The following CDH18 variants were observed in gnomAD, a reference collection of about 807,000 sequenced individuals.
CDH18 encodes cadherin 18, also known as cadherin-18.
In CDH18, 31 loss-of-function variants were observed where a neutral mutation model predicts 67.9. The observed-to-expected ratio is 0.46, with a 90% CI of 0.34 to 0.62. CDH18 has a LOEUF of 0.62. Ranked by LOEUF, CDH18 falls within the 20% of genes least tolerant of loss-of-function variation. CDH18 has a pLI of 0.01. For synonymous variants in CDH18, 362 were observed against 347.2 expected, an observed-to-expected ratio of 1.04 and a Z score of -0.48; for missense variants, 890 against 975.5, an observed-to-expected ratio of 0.91 and a Z score of 1.17.
chr5:20,554,146 T>G (rs1468352181), intron 1 of CDH18, among the ~76,000 whole-genome samples: 2 of 152,182 alleles, frequency 1.3e-5, no homozygotes, highest in African/African-American at 4.8e-5. Context: ...GTGCTAGATA[T>G]CTAGTCAGTA....
intron 1 of CDH18, among the ~76,000 whole-genome samples, chr5:20,264,533 C>T (rs1744889570): frequency 6.6e-6 from 1 of 151,798 alleles, no homozygotes; most frequent in Non-Finnish European, 1.5e-5. Context: ...TTCTGAAGCA[C>T]CATTTTAATC....
intron 5 of CDH18, among the ~76,000 whole-genome samples, chr5:19,638,791 G>A (rs1180334500): frequency 6.6e-6 from 1 of 151,828 alleles, no homozygotes; most frequent in Non-Finnish European, 1.5e-5. Context: ...AGGATAAGGA[G>A]TTCCATTTTG....
At chr5:19,800,936 C>T (rs1777395495) in intron 3 of CDH18, among the ~76,000 whole-genome samples, 1 of 151,904 alleles carries the variant, frequency 6.6e-6, no homozygotes, top group Admixed American at 6.6e-5. Context: ...CTGGGCAACA[C>T]GGTGAAGCCC....
intron 8 of CDH18, among the ~76,000 whole-genome samples, chr5:19,548,988 G>A (rs1383294889): frequency 6.6e-6 from 1 of 152,084 alleles, no homozygotes; most frequent in Non-Finnish European, 1.5e-5. Context: ...GCCCTCAGGT[G>A]ATCCGCCTGC....
At chr5:20,421,536 A>G (rs1214819319) in intron 1 of CDH18, among the ~76,000 whole-genome samples, 1 of 150,958 alleles carries the variant, frequency 6.6e-6, no homozygotes, top group Non-Finnish European at 1.5e-5. Context: ...ATTCCTAGAT[A>G]TAAGATAAAG....
chr5:19,651,468 T>C (rs1159621155), intron 5 of CDH18, among the ~76,000 whole-genome samples: 1 of 152,074 alleles, frequency 6.6e-6, no homozygotes, highest in East Asian at 1.9e-4. Flanking sequence ...CAATAACTGG[T>C]TAGAGGTCAG....
chr5:19,937,975 A>G (rs1794452647), intron 2 of CDH18, among the ~76,000 whole-genome samples: 1 of 147,940 alleles, frequency 6.8e-6, no homozygotes, highest in Admixed American at 6.8e-5. Flanking sequence ...ATATATATAT[A>G]GTGTATATAA....
At chr5:20,327,117 T>C (rs1738672593) in intron 1 of CDH18, among the ~76,000 whole-genome samples, 1 of 152,196 alleles carries the variant, frequency 6.6e-6, no homozygotes, top group Non-Finnish European at 1.5e-5. Flanking sequence ...AACTTATATT[T>C]TTGGTAAAGA....
intron 2 of CDH18, among the ~76,000 whole-genome samples, chr5:20,007,498 G>A (rs1736999987): frequency 6.6e-6 from 1 of 152,062 alleles, no homozygotes; most frequent in Non-Finnish European, 1.5e-5. Flanking sequence ...ACAGTTAAAT[G>A]TCCATGAAAT....
intron 1 of CDH18, among the ~76,000 whole-genome samples, chr5:20,349,005 A>G (rs1740936679): frequency 6.6e-6 from 1 of 152,178 alleles, no homozygotes; most frequent in Non-Finnish European, 1.5e-5. Context: ...TGCATTGGAA[A>G]TGTGTATTTA....
At position 19,584,000 on chromosome 5, in the gene CDH18, T is replaced by C. The variant is rs923254878; in HGVS notation, c.999+7057A>G. ...ATTTGCTGAAAATCAGAAGGCCAAA[T>C]AGAATCAGAAACCTAAAGAAAACAT... On this transcript the variant is annotated intron_variant, in intron 7 of 12. Coordinates refer to ENST00000382275, the MANE Select transcript of CDH18 (RefSeq NM_004934.5). Among the ~76,000 whole-genome samples the C allele has an allele frequency of 5.3e-5, 8 of 152,136 alleles. No individual in the cohort carries two copies. The East Asian group carries it at 5.8e-4, about 11-fold the overall frequency.
At chr5:19,624,509 G>GATATGTAT (rs1349337846) in intron 5 of CDH18, among the ~76,000 whole-genome samples, 7 of 152,252 alleles carry the variant, frequency 4.6e-5, no homozygotes, top group African/African-American at 1.4e-4. Flanking sequence ...AGATTTCAGA[G>GATATGTAT]ATATGTATAT....
At chr5:19,753,488 A>G (rs1194302074) in intron 3 of CDH18, among the ~76,000 whole-genome samples, 1 of 152,234 alleles carries the variant, frequency 6.6e-6, no homozygotes, top group African/African-American at 2.4e-5. Context: ...AGAAAGAATA[A>G]GAAAATATGA....
chr5:20,451,431 C>T (rs1337834969), intron 1 of CDH18, among the ~76,000 whole-genome samples: 2 of 152,076 alleles, frequency 1.3e-5, no homozygotes, highest in African/African-American at 4.8e-5. Context: ...CACTGATGAA[C>T]ATAAAATTTA....
At chr5:20,257,004 CT>C (rs1464412360) in intron 1 of CDH18, among the ~76,000 whole-genome samples, 26 of 147,992 alleles carry the variant, frequency 1.8e-4, no homozygotes, top group Admixed American at 1.1e-3. Flanking sequence ...ATCTATCTAT[CT>C]ATCATCATCA....
chr5:19,755,110 C>A (rs1367016643), intron 3 of CDH18, among the ~76,000 whole-genome samples: 1 of 150,086 alleles, frequency 6.7e-6, no homozygotes, highest in Non-Finnish European at 1.5e-5. Flanking sequence ...ACTAGAGGAA[C>A]AAGAACAAAC....
chr5:20,486,123 T>C (rs1753156179), intron 1 of CDH18, among the ~76,000 whole-genome samples: 1 of 152,200 alleles, frequency 6.6e-6, no homozygotes, highest in Admixed American at 6.5e-5. Context: ...TGGTGCCTTC[T>C]TAAAACCCCA....
At chr5:19,746,764 A>T (rs1031465394) in intron 4 of CDH18, among the ~76,000 whole-genome samples, 178 bp downstream of exon 4, 27 of 152,326 alleles carry the variant, frequency 1.8e-4, no homozygotes, top group Non-Finnish European at 7.4e-5. Flanking sequence ...AATGAATATA[A>T]TTGCTAGACC....
chr5:20,505,123 T>C (rs947263286), intron 1 of CDH18, among the ~76,000 whole-genome samples: 3 of 151,822 alleles, frequency 2.0e-5, no homozygotes, highest in Non-Finnish European at 4.4e-5. Flanking sequence ...ATCTATTATA[T>C]GGGGGAAATT....
Sources: gnomAD v4.1 joint callset for allele counts (sites outside exome capture counted in the v4.1 genomes callset) on GRCh38, gnomAD v4.1.1 for gene constraint, MANE v1.5 for transcripts, NCBI Gene and HGNC (gene_info 2026-07-23, HGNC 2026-07-21) for gene names.